Variants in RBFOX1 observed in about 807,000 individuals in gnomAD.
RBFOX1 encodes the protein RNA binding protein fox-1 homolog 1.
A neutral mutation model predicts 57.7 loss-of-function variants in RBFOX1; 8 were observed. That is an observed-to-expected ratio of 0.14 (90% confidence interval 0.08 to 0.25). The LOEUF (loss-of-function observed/expected upper bound fraction) is 0.25, where lower values mean the gene tolerates loss of function less well. Ranked by LOEUF, RBFOX1 falls within the 10% of genes least tolerant of loss-of-function variation. The pLI, the probability that RBFOX1 is intolerant of heterozygous loss-of-function variation, is 1.00. For missense variants in RBFOX1, 611 were observed against 548.5 expected (o/e 1.11, Z -1.14); for synonymous variants, 326 against 222.4 (o/e 1.47, Z -4.15).
intron 2 of RBFOX1, among the ~76,000 whole-genome samples, chr16:6,552,970 T>C (rs1357195652): frequency 6.6e-6 from 1 of 152,136 alleles, no homozygotes; most frequent in Non-Finnish European, 1.5e-5. Context: ...TTTTAAAAAG[T>C]ATCTAAAGAA....
At chr16:5,604,028 C>A (rs898176949), downstream of RBFOX1, among the ~76,000 whole-genome samples, 1 of 152,146 alleles carries the variant, frequency 6.6e-6, no homozygotes, top group Non-Finnish European at 1.5e-5. Context: ...CCATTCCCCC[C>A]TTCTATACTC....
intron 5 of RBFOX1, among the ~76,000 whole-genome samples, chr16:7,563,717 C>T (rs1183649365): frequency 1.3e-5 from 2 of 152,158 alleles, no homozygotes; most frequent in African/African-American, 4.8e-5. Context: ...ATCCACCCAC[C>T]TCGGCCTCCC....
At chr16:7,281,799 G>A (rs1467115862) in intron 4 of RBFOX1, among the ~76,000 whole-genome samples, 1 of 152,070 alleles carries the variant, frequency 6.6e-6, no homozygotes, top group Non-Finnish European at 1.5e-5. Flanking sequence ...CCTCTCTGCA[G>A]ACCAAAATAA....
chr16:6,124,182 C>A (rs570769261), intron 1 of RBFOX1, among the ~76,000 whole-genome samples: 1 of 152,270 alleles, frequency 6.6e-6, no homozygotes, highest in Admixed American at 6.5e-5. Flanking sequence ...GCATCAAAAA[C>A]TGAAACTGGA....
chr16:6,790,153 T>C (rs149499059), intron 3 of RBFOX1, among the ~76,000 whole-genome samples: 3,083 of 145,998 alleles, frequency 0.021, 48 homozygotes, highest in Middle Eastern at 0.036. Context: ...TCTTAGATTC[T>C]GGATTTTATT....
At chr16:6,939,437 T>G (rs77848964) in intron 3 of RBFOX1, among the ~76,000 whole-genome samples, 1 of 152,168 alleles carries the variant, frequency 6.6e-6, no homozygotes, top group African/African-American at 2.4e-5. Context: ...AGTAGACATC[T>G]GTTTTTATCT....
chr16:7,206,597 A>G (rs2090028921), intron 4 of RBFOX1, among the ~76,000 whole-genome samples: 1 of 152,094 alleles, frequency 6.6e-6, no homozygotes, highest in Admixed American at 6.6e-5. Flanking sequence ...TTTTATTGCC[A>G]GTCATATCGT....
chr16:7,455,316 A>C (rs1212657164), intron 4 of RBFOX1, among the ~76,000 whole-genome samples: 1 of 152,172 alleles, frequency 6.6e-6, no homozygotes, highest in East Asian at 1.9e-4. Context: ...ACGTTTCAGC[A>C]GCCTCATTCT....
chr16:7,459,093 A>G (rs1445572772), intron 4 of RBFOX1, among the ~76,000 whole-genome samples: 1 of 152,106 alleles, frequency 6.6e-6, no homozygotes, highest in Non-Finnish European at 1.5e-5. Context: ...TGGATGGATG[A>G]TGGGCAGATG....
At chr16:7,133,116 C>G (rs1355956097) in intron 4 of RBFOX1, among the ~76,000 whole-genome samples, 2 of 152,044 alleles carry the variant, frequency 1.3e-5, no homozygotes, top group Non-Finnish European at 2.9e-5. Flanking sequence ...TTGTATGCAT[C>G]AAAAATGCAG....
chr16:7,389,213 T>A (rs970286251), intron 4 of RBFOX1, among the ~76,000 whole-genome samples: 1 of 152,094 alleles, frequency 6.6e-6, no homozygotes, highest in African/African-American at 2.4e-5. Context: ...GCAGCTTTGA[T>A]CTCTCCAGGC....
At chr16:6,845,392 G>T (rs1334469203) in intron 3 of RBFOX1, among the ~76,000 whole-genome samples, 2 of 151,890 alleles carry the variant, frequency 1.3e-5, no homozygotes, top group African/African-American at 4.8e-5. Flanking sequence ...TCAATTTTCT[G>T]TGTATGGCCA....
intron 1 of RBFOX1, among the ~76,000 whole-genome samples, chr16:5,308,329 A>G (rs1232087742): frequency 4.0e-5 from 3 of 74,732 alleles, no homozygotes. Flanking sequence ...TCTGTCTAAA[A>G]AAAAAAAAAG....
At chr16:6,400,981 A>G (rs2093046123) in intron 2 of RBFOX1, among the ~76,000 whole-genome samples, 1 of 152,202 alleles carries the variant, frequency 6.6e-6, no homozygotes, top group Admixed American at 6.5e-5. Flanking sequence ...TAAAGTATAT[A>G]CATAATTATA....
At chr16:7,229,193 G>A (rs77181772) in intron 4 of RBFOX1, among the ~76,000 whole-genome samples, 2,246 of 152,280 alleles carry the variant, frequency 0.015, 29 homozygotes, top group African/African-American at 0.029. Context: ...TTCAGAAAGC[G>A]TCGGCCTTAA....
At chr16:7,202,278 C>T (rs1029416364) in intron 4 of RBFOX1, among the ~76,000 whole-genome samples, 2 of 143,844 alleles carry the variant, frequency 1.4e-5, no homozygotes, top group African/African-American at 5.2e-5. Flanking sequence ...CCACCTCACA[C>T]ACATTAGGAT....
intron 2 of RBFOX1, among the ~76,000 whole-genome samples, chr16:6,471,411 G>T (rs1253814512): frequency 3.3e-5 from 5 of 152,058 alleles, no homozygotes; most frequent in Non-Finnish European, 7.4e-5. Context: ...TATAATACTT[G>T]TTTGTTATTT....
At chr16:7,338,696 G>C (rs902800864) in intron 4 of RBFOX1, among the ~76,000 whole-genome samples, 2 of 152,194 alleles carry the variant, frequency 1.3e-5, no homozygotes, top group African/African-American at 4.8e-5. Context: ...ATACCTATAT[G>C]TAGTAACAAT....
At chr16:7,296,991 C>A (rs1335261772) in intron 4 of RBFOX1, among the ~76,000 whole-genome samples, 2 of 152,168 alleles carry the variant, frequency 1.3e-5, no homozygotes, top group East Asian at 3.9e-4. Context: ...AGCAGAACCT[C>A]ATGTCAGGGG....
Sources: gnomAD v4.1 joint callset for allele counts (sites outside exome capture counted in the v4.1 genomes callset) on GRCh38, gnomAD v4.1.1 for gene constraint, MANE v1.5 for transcripts, NCBI Gene and HGNC (gene_info 2026-07-23, HGNC 2026-07-21) for gene names.